Variants in PCDH15 observed in about 807,000 individuals in gnomAD.
PCDH15 encodes protocadherin related 15, also known as protocadherin-15.
A neutral mutation model predicts 178.5 loss-of-function variants in PCDH15; 129 were observed. The observed-to-expected ratio is 0.72, with a 90% CI of 0.63 to 0.84. The LOEUF (loss-of-function observed/expected upper bound fraction) is 0.84. Among genes scored for constraint, PCDH15 ranks in the 40% least tolerant of loss-of-function variants. PCDH15 has a pLI of 0.00. For synonymous variants in PCDH15, 800 were observed against 732.0 expected (o/e 1.09, Z -1.50); for missense variants, 2,230 against 2,099.9 (o/e 1.06, Z -1.21).
chr10:55,524,786 T>A (rs1308550707), intron 2 of PCDH15, among the ~76,000 whole-genome samples: 1 of 151,224 alleles, frequency 6.6e-6, no homozygotes, highest in Non-Finnish European at 1.5e-5. Context: ...CAGTGGACAT[T>A]CAATAAATGC....
intron 5 of PCDH15, among the ~76,000 whole-genome samples, chr10:54,365,609 G>A (rs1256521314): frequency 6.6e-6 from 1 of 152,000 alleles, no homozygotes; most frequent in Non-Finnish European, 1.5e-5. Flanking sequence ...TAAATTTTGG[G>A]GGGTGAGATG....
chr10:54,751,428 G>A (rs777482100), intron 1 of PCDH15, among the ~76,000 whole-genome samples: 52 of 152,092 alleles, frequency 3.4e-4, no homozygotes, highest in Non-Finnish European at 6.0e-4. Flanking sequence ...ACAAACAGAT[G>A]GCACCTGCTA....
At chr10:53,823,637 T>A (rs1465727429) in intron 32 of PCDH15, 4 of 508,004 alleles carry the variant, frequency 7.9e-6, no homozygotes, top group African/African-American at 2.0e-5. Context: ...TTTTTGTTTT[T>A]TTTCAGCTAG....
At chr10:55,069,935 A>G (rs1159434911) in intron 2 of PCDH15, among the ~76,000 whole-genome samples, 1 of 152,088 alleles carries the variant, frequency 6.6e-6, no homozygotes. Flanking sequence ...TCTGTCCAGC[A>G]CCTGTTGTTT....
chr10:55,175,184 G>A (rs7075147), intron 1 of PCDH15, among the ~76,000 whole-genome samples: 71,935 of 151,830 alleles, frequency 0.47, 17,304 homozygotes, highest in East Asian at 0.67. Flanking sequence ...TGTGCATAGC[G>A]GAGGGCTTAT....
intron 2 of PCDH15, among the ~76,000 whole-genome samples, chr10:55,005,092 C>T (rs768572871): frequency 1.3e-5 from 2 of 151,546 alleles, no homozygotes; most frequent in East Asian, 1.9e-4. Context: ...ATGAATGGAG[C>T]GAGGGGTGAT....
intron 2 of PCDH15, among the ~76,000 whole-genome samples, chr10:55,465,896 A>C (rs1271348293): frequency 1.3e-5 from 2 of 152,222 alleles, no homozygotes; most frequent in Non-Finnish European, 2.9e-5. Context: ...AATACAAGAA[A>C]ATTCTAACAT....
rs375720199 is a variant in PCDH15, at chr10:54,543,064, G to C, written c.92-15187C>G. ...GCGTGCAGGCCACCCACTGGTGGAA[G>C]GAGGCGGAGTTTGGTCCGGGGAAGT... is the stretch of plus-strand genomic sequence containing the variant. On this transcript the variant is annotated intron_variant, in intron 2 of 37. Transcript: ENST00000644397. Among the ~76,000 whole-genome samples the C allele has an allele frequency of 2.0e-5, 3 of 152,306 alleles. No homozygotes were observed. In the East Asian group the frequency reaches 5.8e-4, roughly 30 times the overall value.
chr10:55,437,666 C>T (rs896344865), intron 2 of PCDH15, among the ~76,000 whole-genome samples: 2 of 151,948 alleles, frequency 1.3e-5, no homozygotes, highest in African/African-American at 4.8e-5. Flanking sequence ...ACTAAATATG[C>T]CATCTAACCC....
chr10:54,232,815 A>T (rs1000389563), intron 9 of PCDH15, among the ~76,000 whole-genome samples: 4 of 152,010 alleles, frequency 2.6e-5, no homozygotes, highest in Non-Finnish European at 5.9e-5. Flanking sequence ...TGATGATTTC[A>T]AAGAATTGAT....
chr10:55,223,377 G>A (rs1350464783), intron 1 of PCDH15, among the ~76,000 whole-genome samples: 1 of 152,050 alleles, frequency 6.6e-6, no homozygotes, highest in Non-Finnish European at 1.5e-5. Context: ...CAAGGATACA[G>A]TCAAGATTTT....
At chr10:55,558,509 T>G (rs561286269) in intron 2 of PCDH15, among the ~76,000 whole-genome samples, 1 of 152,262 alleles carries the variant, frequency 6.6e-6, no homozygotes, top group African/African-American at 2.4e-5. Context: ...ATTTTTATTT[T>G]ATATGAAAGT....
At chr10:55,600,734 C>G (rs1477333405) in intron 2 of PCDH15, among the ~76,000 whole-genome samples, 1 of 152,052 alleles carries the variant, frequency 6.6e-6, no homozygotes, top group East Asian at 1.9e-4. Flanking sequence ...ACAAAGTGCC[C>G]TTACAAGACT....
rs1173565209 is a variant in PCDH15 at position 53,820,161 on chromosome 10, A to C, written c.4433+4T>G. On this transcript the variant is annotated splice_donor_region_variant and intron_variant, in intron 33 of 37. Transcript: ENST00000644397. Reference sequence around the variant, plus strand: ...ACATTAAAGGCTTACACAATTGTGAATACCTTGTCAGAGTCCGCCAAATAG... The same window carrying C: ...ACATTAAAGGCTTACACAATTGTGACTACCTTGTCAGAGTCCGCCAAATAG... The C allele has an allele frequency of 7.5e-6, 3 of 397,846 alleles. No homozygotes were observed. The South Asian group carries it at 3.8e-4, about 51-fold the overall frequency. 24.6% of individuals were successfully genotyped at this position (397,846 alleles called of 1,614,324 possible).
chr10:55,445,215 A>G (rs140654010), intron 2 of PCDH15, among the ~76,000 whole-genome samples: 336 of 152,254 alleles, frequency 2.2e-3, no homozygotes, highest in Non-Finnish European at 3.8e-3. Flanking sequence ...TCACCTAATG[A>G]GGCAGAAACG....
intron 2 of PCDH15, among the ~76,000 whole-genome samples, chr10:55,467,264 A>C (rs2132102311): frequency 6.6e-6 from 1 of 152,292 alleles, no homozygotes; most frequent in South Asian, 2.1e-4. Flanking sequence ...TAGTTCAGTA[A>C]GACTGTGTTC....
At chr10:55,108,199 T>C (rs1318592707) in intron 2 of PCDH15, among the ~76,000 whole-genome samples, 1 of 152,130 alleles carries the variant, frequency 6.6e-6, no homozygotes, top group East Asian at 1.9e-4. Flanking sequence ...AATCAATGTT[T>C]GTTGGTTAGG....
chr10:54,471,931 TAGCACAG>T (rs1221837951), intron 3 of PCDH15, among the ~76,000 whole-genome samples: 1 of 152,146 alleles, frequency 6.6e-6, no homozygotes, highest in Admixed American at 6.6e-5. Context: ...TGCTCAGTCA[TAGCACAG>T]AATATAAAAC....
chr10:53,831,493 G>T lies in PCDH15; in HGVS notation c.4024C>A (p.Gln1342Lys), dbSNP rs61731387. ...GKLLDINKDF[Q>K]PYYGEGGRIL... ...CGTCCTCCTTCCCCATAATACGGCT[G>T]AAAGTCTTTATTGATATCAAGTAGT... Residue 1342 changes from glutamine (Q) to lysine (K), a missense_variant, in exon 30 of 38, where the codon CAG (glutamine) becomes AAG (lysine). Gln to Lys is a moderately conservative substitution (Grantham distance 53). Transcript: ENST00000644397. 2,202 of 1,614,074 alleles carry T rather than the reference G, an allele frequency of 1.4e-3. 27 individuals carry two copies. The African/African-American group carries it at 0.023, about 17-fold the overall frequency.
Sources: allele counts gnomAD v4.1 joint callset (sites outside exome capture counted in the v4.1 genomes callset), GRCh38; gene constraint gnomAD v4.1.1; transcripts MANE v1.5; gene names NCBI Gene and HGNC (gene_info 2026-07-23, HGNC 2026-07-21).